The following RYK variants were observed in gnomAD, a reference collection of about 807,000 sequenced individuals.
RYK encodes receptor like tyrosine kinase.
A neutral mutation model predicts 70.2 loss-of-function variants in RYK; 21 were observed. The observed-to-expected ratio is 0.30, with a 90% CI of 0.21 to 0.43. The LOEUF (loss-of-function observed/expected upper bound fraction) is 0.43, where lower values mean the gene tolerates loss of function less well. Among genes scored for constraint, RYK ranks in the 20% least tolerant of loss-of-function variants. The pLI is 1.00. For synonymous variants in RYK, 267 were observed against 278.0 expected, an observed-to-expected ratio of 0.96 and a Z score of 0.39; for missense variants, 604 against 753.3, an observed-to-expected ratio of 0.80 and a Z score of 2.32.
At chr3:134,194,586 T>C (rs1191818665) in intron 7 of RYK, among the ~76,000 whole-genome samples, 2 of 152,162 alleles carry the variant, frequency 1.3e-5, no homozygotes, top group Non-Finnish European at 2.9e-5. Context: ...CTTATTTTAC[T>C]AAAGAATAAA....
At chr3:134,174,128 G>C (rs72986403) in intron 13 of RYK, among the ~76,000 whole-genome samples, 2,683 of 152,252 alleles carry the variant, frequency 0.018, 65 homozygotes, top group African/African-American at 0.062. Flanking sequence ...TTGGAACAGA[G>C]GGATGGAACC....
At chr3:134,172,594 T>C (rs1223106464) in intron 13 of RYK, among the ~76,000 whole-genome samples, 1 of 152,214 alleles carries the variant, frequency 6.6e-6, no homozygotes, top group Admixed American at 6.5e-5. Flanking sequence ...TCCCTTCGTA[T>C]GTCATTTGAA....
At chr3:134,191,123 TA>T (rs2013628652) in intron 8 of RYK, among the ~76,000 whole-genome samples, 1 of 152,072 alleles carries the variant, frequency 6.6e-6, no homozygotes, top group South Asian at 2.1e-4. Context: ...ACAGTGGAGG[TA>T]AAAAAGTAAT....
chr3:134,242,518 G>A (rs1051762985), intron 1 of RYK, among the ~76,000 whole-genome samples: 7 of 152,058 alleles, frequency 4.6e-5, no homozygotes, highest in Admixed American at 2.6e-4. Context: ...CATCAACAAC[G>A]CACAAAAATG....
At chr3:134,222,989 A>G (rs553434117) in intron 1 of RYK, among the ~76,000 whole-genome samples, 15 of 152,334 alleles carry the variant, frequency 9.8e-5, no homozygotes, top group African/African-American at 2.6e-4. Context: ...TCAAGCCTCC[A>G]GCCAGAGATG....
intron 1 of RYK, among the ~76,000 whole-genome samples, chr3:134,234,488 G>C (rs549253401): frequency 1.2e-4 from 18 of 152,206 alleles, no homozygotes; most frequent in African/African-American, 4.3e-4. Context: ...ATTTGACAAT[G>C]GGACTGAAAT....
At chr3:134,163,971 C>T (rs1490166701) in intron 13 of RYK, among the ~76,000 whole-genome samples, 1 of 152,108 alleles carries the variant, frequency 6.6e-6, no homozygotes, top group African/African-American at 2.4e-5. Context: ...ATTCTGAAGC[C>T]TGGATCACAT....
At chr3:134,166,785 C>G (rs145637818) in intron 13 of RYK, among the ~76,000 whole-genome samples, 2 of 152,216 alleles carry the variant, frequency 1.3e-5, no homozygotes, top group African/African-American at 2.4e-5. Context: ...CAGAAAACAC[C>G]CAGGCCAACT....
intron 5 of RYK, among the ~76,000 whole-genome samples, chr3:134,206,619 AATAGGT>A (rs2014219425): frequency 6.6e-6 from 1 of 152,184 alleles, no homozygotes; most frequent in Admixed American, 6.5e-5. Flanking sequence ...AATCAAAATG[AATAGGT>A]ATTAGGTGAT....
intron 13 of RYK, among the ~76,000 whole-genome samples, chr3:134,173,717 T>C (rs769454198): frequency 1.1e-4 from 16 of 152,192 alleles, no homozygotes; most frequent in Non-Finnish European, 2.1e-4. Flanking sequence ...AGATGAGATT[T>C]TGGGTGGGGA....
chr3:134,236,302 T>TG (rs980985504), intron 1 of RYK, among the ~76,000 whole-genome samples: 9 of 152,226 alleles, frequency 5.9e-5, no homozygotes, highest in African/African-American at 1.9e-4. Flanking sequence ...TAATAAGAGC[T>TG]GGTCCCTCAA....
chr3:134,204,590 G>GCCACACAC (rs1553771729), intron 5 of RYK, among the ~76,000 whole-genome samples: 2 of 48,092 alleles, frequency 4.2e-5, no homozygotes, highest in Non-Finnish European at 6.8e-5. Context: ...CACAGCCACA[G>GCCACACAC]CCACACACAC....
intron 6 of RYK, among the ~76,000 whole-genome samples, chr3:134,195,924 C>T (rs796753287): frequency 2.5e-4 from 38 of 150,312 alleles, no homozygotes; most frequent in African/African-American, 7.6e-4. Flanking sequence ...CCAGCCTGGG[C>T]GATAAAGTGA....
At chr3:134,215,208 C>T (rs1002258118) in intron 2 of RYK, among the ~76,000 whole-genome samples, 13 of 150,964 alleles carry the variant, frequency 8.6e-5, no homozygotes, top group African/African-American at 3.2e-4. Context: ...GCAAAGGGGT[C>T]CAGGGCCATA....
intron 1 of RYK, among the ~76,000 whole-genome samples, chr3:134,224,462 T>C (rs1305985563): frequency 1.3e-5 from 2 of 152,180 alleles, no homozygotes; most frequent in Non-Finnish European, 2.9e-5. Context: ...GGATGGAACA[T>C]GAAAGTGGAC....
At chr3:134,184,613 T>C (rs919849206) in intron 9 of RYK, among the ~76,000 whole-genome samples, 1 of 151,954 alleles carries the variant, frequency 6.6e-6, no homozygotes, top group Non-Finnish European at 1.5e-5. Context: ...AAAGTGTTTT[T>C]AATTAGTTGG....
At chr3:134,178,580 A>G (rs549201050) in intron 10 of RYK, 13 of 152,038 alleles carry the variant, frequency 8.6e-5, no homozygotes, top group Admixed American at 7.2e-4. Context: ...CACTGGATTT[A>G]GAATCAGATT....
rs760112370 is a variant in RYK, at chr3:134,195,133, T to C, written c.838A>G (p.Thr280Ala). The C allele has an allele frequency of 1.2e-6, 2 of 1,613,690 alleles. No homozygotes were observed. The highest frequency in any genetic ancestry group is 1.7e-6 in the Non-Finnish European group (2 of 1,179,712). Residue 280 changes from threonine to alanine, a missense_variant, in exon 7 of 15, where the codon ACG (threonine) becomes GCG (alanine). Coordinates refer to ENST00000623711, the MANE Select transcript of RYK (RefSeq NM_002958.4). ...GTGTCTGCTCTCAGATACTGAGTCG[T>C]CTGGGTGGATGGCTGAGACAGCCCT... Reference protein sequence around the residue: ...SQGLSQPSTQTTQYLRADTPN... With the variant: ...SQGLSQPSTQATQYLRADTPN...
chr3:134,225,641 G>C (rs1057431553), intron 1 of RYK, among the ~76,000 whole-genome samples: 1 of 152,064 alleles, frequency 6.6e-6, no homozygotes, highest in Non-Finnish European at 1.5e-5. Flanking sequence ...ATCCATTGAG[G>C]CTAGGAGTTC....
Sources: gnomAD v4.1 joint callset for allele counts (sites outside exome capture counted in the v4.1 genomes callset) on GRCh38, gnomAD v4.1.1 for gene constraint, MANE v1.5 for transcripts, NCBI Gene and HGNC (gene_info 2026-07-23, HGNC 2026-07-21) for gene names.